NRCAM: variants seen among roughly 807,000 people sequenced by gnomAD.
NRCAM encodes NgCAM-related cell adhesion molecule.
Under a neutral mutation model 156.5 loss-of-function variants are expected in NRCAM, and 83 were observed. The observed-to-expected ratio is 0.53, with a 90% confidence interval of 0.44 to 0.64. The LOEUF (loss-of-function observed/expected upper bound fraction) is 0.64, where lower values mean the gene tolerates loss of function less well. Among genes scored for constraint, NRCAM ranks in the 30% least tolerant of loss-of-function variants. The pLI is 0.00. For missense variants in NRCAM, 1,417 were observed against 1,597.3 expected, an observed-to-expected ratio of 0.89 and a Z score of 1.92; for synonymous variants, 538 against 563.9, an observed-to-expected ratio of 0.95 and a Z score of 0.65.
chr7:108,266,924 T>G (rs1412223138), intron 3 of NRCAM, among the ~76,000 whole-genome samples: 4 of 152,204 alleles, frequency 2.6e-5, no homozygotes, highest in African/African-American at 9.6e-5. Context: ...AGTTATCCTA[T>G]TACAGTTTTA....
In NRCAM at chr7:108,186,581, T is replaced by G. The variant is rs543063916; in HGVS notation, c.2036-1967A>C. Among the ~76,000 whole-genome samples, 42 of 152,260 alleles carry G rather than the reference T, an allele frequency of 2.8e-4. No individual in the cohort carries two copies. The South Asian group carries it at 6.2e-3, about 23-fold the overall frequency. On this transcript the variant is annotated intron_variant, in intron 20 of 32. Transcript: ENST00000379028. ...TCACATAACCTCCTAACTCAGTAGT[T>G]CCCAAACTTTCTCGGTTCATGGTGT...
intron 3 of NRCAM, among the ~76,000 whole-genome samples, chr7:108,285,604 C>A (rs1364394834): frequency 1.2e-4 from 19 of 152,178 alleles, no homozygotes; most frequent in Admixed American, 1.2e-3. Flanking sequence ...TTCAGTGAAA[C>A]CTTACTAGAC....
intron 11 of NRCAM, among the ~76,000 whole-genome samples, chr7:108,215,046 T>C (rs1187022403): frequency 6.6e-6 from 1 of 152,122 alleles, no homozygotes; most frequent in South Asian, 2.1e-4. Context: ...AAGTGTGATG[T>C]GGTGCTGGAA....
At chr7:108,423,451 G>A (rs1368120694) in intron 1 of NRCAM, among the ~76,000 whole-genome samples, 1 of 152,032 alleles carries the variant, frequency 6.6e-6, no homozygotes, top group African/African-American at 2.4e-5. Flanking sequence ...CATAAAATGA[G>A]AAAATCATGA....
At chr7:108,226,863 C>T (rs931864284) in intron 8 of NRCAM, among the ~76,000 whole-genome samples, 6 of 152,174 alleles carry the variant, frequency 3.9e-5, no homozygotes, top group African/African-American at 1.4e-4. Context: ...AGGCACTGGG[C>T]ATGCCAGAGT....
At chr7:108,383,669 T>C (rs563403825) in intron 2 of NRCAM, among the ~76,000 whole-genome samples, 1 of 152,350 alleles carries the variant, frequency 6.6e-6, no homozygotes, top group Admixed American at 6.5e-5. Context: ...CAAGAGCTTT[T>C]AAAATGTTTC....
chr7:108,331,769 T>G (rs2099129702), intron 2 of NRCAM, among the ~76,000 whole-genome samples: 1 of 152,244 alleles, frequency 6.6e-6, no homozygotes, highest in African/African-American at 2.4e-5. Flanking sequence ...CTCGTTTACC[T>G]TCATGATCTT....
At chr7:108,379,936 C>T (rs2099693545) in intron 2 of NRCAM, among the ~76,000 whole-genome samples, 1 of 151,868 alleles carries the variant, frequency 6.6e-6, no homozygotes, top group Non-Finnish European at 1.5e-5. Context: ...AGACAATTTT[C>T]AAAAAAGTAA....
intron 3 of NRCAM, among the ~76,000 whole-genome samples, chr7:108,267,105 T>C (rs1406377909): frequency 6.6e-6 from 1 of 152,200 alleles, no homozygotes; most frequent in Admixed American, 6.5e-5. Flanking sequence ...GCAGATTGCA[T>C]TACATGAGAG....
intron 2 of NRCAM, among the ~76,000 whole-genome samples, chr7:108,380,155 C>G (rs1348058553): frequency 6.6e-6 from 1 of 152,118 alleles, no homozygotes; most frequent in African/African-American, 2.4e-5. Flanking sequence ...AATTGTAACA[C>G]TCACATAATT....
intron 3 of NRCAM, among the ~76,000 whole-genome samples, chr7:108,311,252 G>C (rs1211806303): frequency 6.6e-6 from 1 of 152,160 alleles, no homozygotes; most frequent in African/African-American, 2.4e-5. Flanking sequence ...GTACTGGTAA[G>C]CCACCATACT....
At chr7:108,426,601 G>A (rs1817591460) in intron 1 of NRCAM, among the ~76,000 whole-genome samples, 1 of 152,214 alleles carries the variant, frequency 6.6e-6, no homozygotes, top group Non-Finnish European at 1.5e-5. Flanking sequence ...ACATTGATCA[G>A]AGAAGGCCCT....
At chr7:108,287,811 A>G (rs1010033402) in intron 3 of NRCAM, among the ~76,000 whole-genome samples, 7 of 152,024 alleles carry the variant, frequency 4.6e-5, no homozygotes, top group Admixed American at 1.3e-4. Context: ...CAGTAAGGAG[A>G]TTTTGCAAGG....
intron 1 of NRCAM, among the ~76,000 whole-genome samples, chr7:108,427,283 T>C (rs1818547602): frequency 6.6e-6 from 1 of 152,194 alleles, no homozygotes; most frequent in Non-Finnish European, 1.5e-5. Context: ...TACAGGCAGA[T>C]AGAATTATTT....
chr7:108,186,909 C>T, intron 20 of NRCAM, among the ~76,000 whole-genome samples: 1 of 152,192 alleles, frequency 6.6e-6, no homozygotes, highest in East Asian at 1.9e-4. Flanking sequence ...AGAGATATAA[C>T]ATTATCACAA....
Position 108,264,827 on chromosome 7 carries a change from C to T in NRCAM, c.-106-24657G>A, listed in dbSNP as rs777963205. Among the ~76,000 whole-genome samples the T allele has an allele frequency of 3.3e-5, 5 of 152,180 alleles. No homozygotes were observed. In the South Asian group the frequency reaches 6.2e-4, roughly 19 times the overall value. On this transcript the variant is annotated intron_variant, in intron 3 of 32. Coordinates refer to ENST00000379028, the MANE Select transcript of NRCAM (RefSeq NM_001037132.4). ...TTGAGTTTCTAGGTTTCCAATTCCA[C>T]GTGTTTTGAGGGAAAGAAAAAGTTA...
intron 3 of NRCAM, among the ~76,000 whole-genome samples, chr7:108,287,791 C>T (rs1469216476): frequency 6.6e-6 from 1 of 151,908 alleles, no homozygotes; most frequent in Non-Finnish European, 1.5e-5. Context: ...AGTACAGCTT[C>T]TGTGGAAAAC....
intron 3 of NRCAM, among the ~76,000 whole-genome samples, chr7:108,272,552 C>T (rs1349006165): frequency 1.3e-5 from 2 of 152,092 alleles, no homozygotes; most frequent in Non-Finnish European, 2.9e-5. Flanking sequence ...TCATAGGGTA[C>T]TGTTCTAGAC....
chr7:108,333,224 A>G (rs2099144999), intron 2 of NRCAM, among the ~76,000 whole-genome samples: 1 of 152,158 alleles, frequency 6.6e-6, no homozygotes, highest in African/African-American at 2.4e-5. Context: ...AAGTGTGTTC[A>G]AGTACTGAGG....
Sources: gnomAD v4.1 joint callset for allele counts (sites outside exome capture counted in the v4.1 genomes callset) on GRCh38, gnomAD v4.1.1 for gene constraint, MANE v1.5 for transcripts, NCBI Gene and HGNC (gene_info 2026-07-23, HGNC 2026-07-21) for gene names.